ZFHX3: variants seen among roughly 807,000 people sequenced by gnomAD.
ZFHX3 encodes the protein zinc finger homeobox protein 3.
Under a neutral mutation model 279.1 loss-of-function variants are expected in ZFHX3, and 42 were observed. That is an observed-to-expected ratio of 0.15 (90% CI 0.12 to 0.19). ZFHX3 has a LOEUF of 0.19. Among genes scored for constraint, ZFHX3 ranks in the 10% least tolerant of loss-of-function variants. The pLI is 1.00. For synonymous variants in ZFHX3, 2,293 were observed against 1,957.8 expected (o/e 1.17, Z -4.52); for missense variants, 4,981 against 4,754.0 (o/e 1.05, Z -1.40).
At chr16:73,723,355 G>A (rs2053492535) in intron 1 of ZFHX3, among the ~76,000 whole-genome samples, 1 of 152,312 alleles carries the variant, frequency 6.6e-6, no homozygotes, top group African/African-American at 2.4e-5. Flanking sequence ...TTCCAGTGCT[G>A]TTCAGAAAAT....
chr16:72,992,052 G>A (rs1042035423), intron 1 of ZFHX3, among the ~76,000 whole-genome samples: 2 of 152,152 alleles, frequency 1.3e-5, no homozygotes, highest in African/African-American at 2.4e-5. Flanking sequence ...CTGAGTTGGG[G>A]GCAGAGGGGT....
intron 3 of ZFHX3, among the ~76,000 whole-genome samples, chr16:72,893,559 TA>T (rs56294400): frequency 0.26 from 37,645 of 143,906 alleles, 4,825 homozygotes; most frequent in South Asian, 0.32. Flanking sequence ...ATGGATATGA[TA>T]AAAGATATTC....
intron 1 of ZFHX3, among the ~76,000 whole-genome samples, chr16:73,870,750 G>A (rs1439058123): frequency 1.3e-5 from 2 of 152,098 alleles, no homozygotes; most frequent in African/African-American, 4.8e-5. Flanking sequence ...GGGCCCGGCG[G>A]GCAGCACCTG....
chr16:73,874,334 G>A (rs2029888328), intron 1 of ZFHX3, among the ~76,000 whole-genome samples: 1 of 152,154 alleles, frequency 6.6e-6, no homozygotes, highest in African/African-American at 2.4e-5. Flanking sequence ...TTTGGGTCTG[G>A]TGGAAGAATT....
chr16:73,654,378 T>C (rs2052701927), intron 2 of ZFHX3, among the ~76,000 whole-genome samples: 1 of 152,076 alleles, frequency 6.6e-6, no homozygotes, highest in South Asian at 2.1e-4. Flanking sequence ...CACCAGTGAG[T>C]TCTATTATAC....
intron 2 of ZFHX3, among the ~76,000 whole-genome samples, chr16:73,506,469 G>A (rs543860087): frequency 8.2e-4 from 124 of 152,120 alleles, no homozygotes; most frequent in African/African-American, 2.8e-3. Flanking sequence ...ACCTTCTTAG[G>A]TTAATAGAGT....
At chr16:73,019,392 G>A (rs941824980) in intron 1 of ZFHX3, among the ~76,000 whole-genome samples, 19 of 151,924 alleles carry the variant, frequency 1.3e-4, no homozygotes, top group Non-Finnish European at 2.2e-4. Context: ...GTGTCTGCAC[G>A]CGCACCTGAG....
At chr16:73,299,597 G>A (rs1263651852) in intron 4 of ZFHX3, among the ~76,000 whole-genome samples, 1 of 152,160 alleles carries the variant, frequency 6.6e-6, no homozygotes, top group African/African-American at 2.4e-5. Context: ...TGATCATGAG[G>A]AAGAGGCAAG....
At chr16:73,517,191 A>G (rs1409578569) in intron 2 of ZFHX3, among the ~76,000 whole-genome samples, 1 of 152,176 alleles carries the variant, frequency 6.6e-6, no homozygotes, top group East Asian at 1.9e-4. Flanking sequence ...TCTACCGTCC[A>G]TCACCTTCAA....
intron 7 of ZFHX3, among the ~76,000 whole-genome samples, chr16:73,111,658 GGAA>G (rs2144799208): frequency 1.5e-5 from 1 of 67,364 alleles, no homozygotes; most frequent in South Asian, 4.5e-4. Context: ...GAGGAAGGAA[GGAA>G]GGAGAGAGCG....
At chr16:73,288,285 C>A (rs935553814) in intron 4 of ZFHX3, among the ~76,000 whole-genome samples, 13 of 152,024 alleles carry the variant, frequency 8.6e-5, no homozygotes, top group African/African-American at 3.1e-4. Flanking sequence ...AAAATCCGGC[C>A]AGGGGATTGC....
In ZFHX3 at chr16:73,299,774, G is replaced by C. The variant is rs117168664; in HGVS notation, c.-1194+18466C>G. ...AGGGCCTACCATGTTTGCAGGATTT[G>C]ACGGAAGCAAACAAAAGGTAATGAG... On this transcript the variant is annotated intron_variant, in intron 4 of 17. Coordinates refer to the ZFHX3 transcript ENST00000641206. Among the ~76,000 whole-genome samples the C allele has an allele frequency of 5.8e-3, 880 of 152,238 alleles. 5 individuals carry two copies. Among genetic ancestry groups the C allele is most frequent in the Middle Eastern group, 0.041 (12 of 294 alleles).
At chr16:73,693,653 C>A (rs191945917) in intron 1 of ZFHX3, among the ~76,000 whole-genome samples, 27 of 152,286 alleles carry the variant, frequency 1.8e-4, no homozygotes, top group Non-Finnish European at 3.7e-4. Flanking sequence ...GTCTCATAAG[C>A]ACAAACTCGG....
chr16:73,504,375 C>T (rs1044429756), intron 2 of ZFHX3: 5 of 152,300 alleles, frequency 3.3e-5, no homozygotes, highest in Admixed American at 1.3e-4. Context: ...CAACCCCCTT[C>T]TTCTTCCCCA....
At chr16:73,312,630 AC>A (rs2143170172) in intron 4 of ZFHX3, among the ~76,000 whole-genome samples, 1 of 152,302 alleles carries the variant, frequency 6.6e-6, no homozygotes, top group African/African-American at 2.4e-5. Flanking sequence ...TGGGCCATGG[AC>A]CAGGAATGGT....
chr16:73,163,512 G>C (rs1967288869), intron 5 of ZFHX3, among the ~76,000 whole-genome samples: 1 of 152,360 alleles, frequency 6.6e-6, no homozygotes, highest in South Asian at 2.1e-4. Context: ...AAGCACAGTT[G>C]AGAGTAGTTG....
chr16:73,507,407 G>T (rs1372441901), intron 2 of ZFHX3, among the ~76,000 whole-genome samples: 2 of 149,710 alleles, frequency 1.3e-5, no homozygotes, highest in Non-Finnish European at 3.0e-5. Flanking sequence ...CAGGTACTTT[G>T]TGTCCCTCCC....
intron 7 of ZFHX3, among the ~76,000 whole-genome samples, chr16:73,106,325 CT>C (rs1966304292): frequency 6.6e-6 from 1 of 152,076 alleles, no homozygotes; most frequent in African/African-American, 2.4e-5. Flanking sequence ...GCTTTCTCAG[CT>C]CTGAGAAGAC....
chr16:73,530,822 A>T (rs2143726732), intron 2 of ZFHX3, among the ~76,000 whole-genome samples: 1 of 152,176 alleles, frequency 6.6e-6, no homozygotes, highest in Non-Finnish European at 1.5e-5. Flanking sequence ...CCTGCATTTT[A>T]TTTGTCTTCA....
Sources: gnomAD v4.1 joint callset for allele counts (sites outside exome capture counted in the v4.1 genomes callset) on GRCh38, gnomAD v4.1.1 for gene constraint, MANE v1.5 for transcripts, NCBI Gene and HGNC (gene_info 2026-07-23, HGNC 2026-07-21) for gene names.